ZBBX: variants seen among roughly 807,000 people sequenced by gnomAD.
ZBBX encodes zinc finger B-box domain-containing protein 1.
Under a neutral mutation model 108.5 loss-of-function variants are expected in ZBBX, and 101 were observed. The ratio of observed to expected loss-of-function variants is 0.93; its 90% CI spans 0.79 to 1.10. The LOEUF (loss-of-function observed/expected upper bound fraction) is 1.10. ZBBX is among the 50% of genes least tolerant of loss of function. The pLI, the probability that ZBBX is intolerant of heterozygous loss-of-function variation, is 0.00. For missense variants in ZBBX, 1,009 were observed against 941.4 expected (o/e 1.07, Z -0.94); for synonymous variants, 356 against 323.4 (o/e 1.10, Z -1.08).
At chr3:167,263,287 G>A (rs1244902072) in intron 20 of ZBBX, among the ~76,000 whole-genome samples, 1 of 152,058 alleles carries the variant, frequency 6.6e-6, no homozygotes, top group African/African-American at 2.4e-5. Context: ...TATGGTGCCT[G>A]TCCTCTGGTT....
chr3:167,185,706 T>C, the ZBBX span, among the ~76,000 whole-genome samples: 4 of 152,110 alleles, frequency 2.6e-5, no homozygotes, highest in Admixed American at 2.6e-4. Context: ...GAATGTTACA[T>C]TTTTTCATTT....
chr3:167,381,554 G>A (rs947711784), upstream of ZBBX, among the ~76,000 whole-genome samples: 4 of 152,154 alleles, frequency 2.6e-5, no homozygotes, highest in African/African-American at 7.2e-5. Context: ...ACTTTACCAC[G>A]TCCTTCCTTT....
Position 167,305,908 on chromosome 3 carries a change from T to C in ZBBX, c.1460A>G (p.Asp487Gly). The C allele has an allele frequency of 6.3e-7, 1 of 1,592,690 alleles. No homozygotes were observed. Among genetic ancestry groups the C allele is most frequent in the Non-Finnish European group, 8.5e-7 (1 of 1,171,426 alleles). ...TTTTTCAATGTCAGAAGAATACACATCAGGATCCACGATGTTGTCAAAATC... is the reference window on the plus strand; with the variant it reads ...TTTTTCAATGTCAGAAGAATACACACCAGGATCCACGATGTTGTCAAAATC... ...NTDFDNIVDP[D>G]VYSSDIEKIE... is the part of the protein sequence containing the mutation. The change falls in exon 17 of 22, where the codon GAT becomes GGT. Residue 487 changes from aspartate (D) to glycine (G), a missense_variant. By Grantham distance (94) the Asp-to-Gly change is moderately conservative. Transcript: ENST00000675490.
At chr3:167,197,433 G>A in the ZBBX span, among the ~76,000 whole-genome samples, 1 of 152,134 alleles carries the variant, frequency 6.6e-6, no homozygotes, top group African/African-American at 2.4e-5. Context: ...AGCTACTCAG[G>A]AGGCTGAGTC....
the ZBBX span, among the ~76,000 whole-genome samples, chr3:167,183,742 T>G: frequency 6.6e-6 from 1 of 152,244 alleles, no homozygotes; most frequent in Non-Finnish European, 1.5e-5. Context: ...AGCAGTTTTC[T>G]GCCCTGGGTG....
intron 1 of ZBBX, among the ~76,000 whole-genome samples, chr3:167,403,002 G>A (rs187353623): frequency 2.6e-5 from 4 of 152,204 alleles, no homozygotes; most frequent in African/African-American, 7.2e-5. Context: ...GATAGGAGAG[G>A]GAATAAGTCA....
chr3:167,399,173 C>T (rs960749913), intron 1 of ZBBX, among the ~76,000 whole-genome samples: 13 of 152,022 alleles, frequency 8.6e-5, no homozygotes, highest in Non-Finnish European at 1.5e-5. Flanking sequence ...CTCATTCATT[C>T]ACTAAACATT....
chr3:167,215,276 A>G, the ZBBX span, among the ~76,000 whole-genome samples: 1 of 152,144 alleles, frequency 6.6e-6, no homozygotes, highest in East Asian at 1.9e-4. Flanking sequence ...AATAAACACA[A>G]TTAGAAATAA....
chr3:167,335,841 G>A (rs1739453407), intron 9 of ZBBX, among the ~76,000 whole-genome samples: 1 of 151,864 alleles, frequency 6.6e-6, no homozygotes, highest in South Asian at 2.1e-4. Context: ...ATGCAAATCT[G>A]TGGAATCTGC....
chr3:167,390,647 G>C (rs1021343972), intron 1 of ZBBX, among the ~76,000 whole-genome samples: 6 of 151,878 alleles, frequency 4.0e-5, no homozygotes, highest in African/African-American at 1.2e-4. Flanking sequence ...TCCATTTGTT[G>C]TGTCCTCTCT....
chr3:167,202,165 G>A, the ZBBX span, among the ~76,000 whole-genome samples: 3 of 152,078 alleles, frequency 2.0e-5, no homozygotes, highest in African/African-American at 4.8e-5. Flanking sequence ...CAGACTCTTA[G>A]TGAGAGAAGG....
chr3:167,392,713 A>G (rs983270539), intron 1 of ZBBX: 3 of 151,814 alleles, frequency 2.0e-5, no homozygotes, highest in Admixed American at 1.3e-4. Flanking sequence ...CATGGTTTCT[A>G]TTACACAGAA....
At chr3:167,275,683 G>T (rs992646653) in intron 20 of ZBBX, among the ~76,000 whole-genome samples, 25 of 152,168 alleles carry the variant, frequency 1.6e-4, no homozygotes, top group Non-Finnish European at 2.5e-4. Flanking sequence ...AAACTGCAAG[G>T]TGGCAGCGAG....
At chr3:167,335,798 G>A (rs905565396) in intron 9 of ZBBX, among the ~76,000 whole-genome samples, 1 of 151,666 alleles carries the variant, frequency 6.6e-6, no homozygotes, top group Non-Finnish European at 1.5e-5. Flanking sequence ...GAAAAATGAT[G>A]AACGTGACCT....
chr3:167,270,236 G>A (rs900181969), intron 20 of ZBBX, among the ~76,000 whole-genome samples: 3 of 152,142 alleles, frequency 2.0e-5, no homozygotes, highest in African/African-American at 7.2e-5. Context: ...CAGGCAAGTG[G>A]AGAATAGTGC....
At chr3:167,342,291 C>T (rs1740667926) in intron 9 of ZBBX, among the ~76,000 whole-genome samples, 1 of 151,694 alleles carries the variant, frequency 6.6e-6, no homozygotes, top group Non-Finnish European at 1.5e-5. Flanking sequence ...AAAAGTCCCT[C>T]AAATATTCTG....
chr3:167,275,329 G>A (rs951754475), intron 20 of ZBBX, among the ~76,000 whole-genome samples: 26 of 152,300 alleles, frequency 1.7e-4, no homozygotes, highest in African/African-American at 5.1e-4. Flanking sequence ...CGTGAGCGAC[G>A]CAGAAGACGG....
chr3:167,182,093 T>G, the ZBBX span, among the ~76,000 whole-genome samples: 2 of 152,188 alleles, frequency 1.3e-5, no homozygotes, highest in Non-Finnish European at 1.5e-5. Flanking sequence ...AGTTTTCTTT[T>G]TCCCCCCAAC....
At chr3:167,337,520 GAA>G (rs1176046352) in intron 9 of ZBBX, among the ~76,000 whole-genome samples, 1 of 150,530 alleles carries the variant, frequency 6.6e-6, no homozygotes, top group African/African-American at 2.4e-5. Flanking sequence ...CTCCATCTCA[GAA>G]AAAAAAAGTT....
Sources: gnomAD v4.1 joint callset for allele counts (sites outside exome capture counted in the v4.1 genomes callset) on GRCh38, gnomAD v4.1.1 for gene constraint, MANE v1.5 for transcripts, NCBI Gene and HGNC (gene_info 2026-07-23, HGNC 2026-07-21) for gene names.